The following BARD1 variants were observed in gnomAD, a reference collection of about 807,000 sequenced individuals.
BARD1 encodes BRCA1-associated RING domain protein 1.
BARD1 carries 73 observed loss-of-function variants against 77.0 expected under a neutral mutation model. The observed-to-expected ratio is 0.95, with a 90% CI of 0.79 to 1.15. The LOEUF (loss-of-function observed/expected upper bound fraction) is 1.15, where lower values mean the gene tolerates loss of function less well. Among genes scored for constraint, BARD1 ranks in the 50% most tolerant of loss-of-function variants. The pLI is 0.00. For missense variants in BARD1, 993 were observed against 938.8 expected (o/e 1.06, Z -0.75); for synonymous variants, 384 against 338.0 (o/e 1.14, Z -1.49).
chr2:214,749,723 C>T (rs766130215), intron 7 of BARD1, among the ~76,000 whole-genome samples: 3 of 151,182 alleles, frequency 2.0e-5, no homozygotes, highest in Non-Finnish European at 2.9e-5. Context: ...AATTGAGTAC[C>T]GACCTAAGTT....
At chr2:214,756,090 T>C (rs1215239826) in intron 6 of BARD1, among the ~76,000 whole-genome samples, 1 of 152,134 alleles carries the variant, frequency 6.6e-6, no homozygotes. Context: ...TCTATTTGTG[T>C]CCCCGCCCAA....
intron 9 of BARD1, among the ~76,000 whole-genome samples, chr2:214,738,923 C>A (rs191542106): frequency 3.1e-4 from 47 of 152,050 alleles, no homozygotes; most frequent in African/African-American, 1.1e-3. Context: ...AGCAGGAAGA[C>A]CGCTTGAAAC....
intron 1 of BARD1, among the ~76,000 whole-genome samples, chr2:214,807,600 GT>G (rs2106165842): frequency 6.6e-6 from 1 of 152,136 alleles, no homozygotes; most frequent in Admixed American, 6.5e-5. Context: ...GGAATTTATT[GT>G]CTGCTTTGTT....
In BARD1 at chr2:214,727,359, T is replaced by TTTG. The variant is rs1692125655; in HGVS notation, c.*1316_*1317insCAA. 4.3e-6 allele frequency: 1 copy of TTTG among 232,056 alleles called. No homozygotes were observed. Among genetic ancestry groups the TTTG allele is most frequent in the East Asian group, 6.1e-5 (1 of 16,366 alleles). The allele number at this position is 232,056 out of a possible 1,614,324, so 14.4% of individuals were successfully genotyped here. ...ACTAGGGATATTCTATTCTGGTAGT[T>TTTG]ATCAAACTGTCCTCTTTTGTTCATG... is the stretch of plus-strand genomic sequence containing the variant. On this transcript the variant is annotated 3_prime_UTR_variant, in exon 11 of 11. Transcript: ENST00000260947.
chr2:214,748,400 T>C (rs1298202395), intron 7 of BARD1, among the ~76,000 whole-genome samples: 1 of 152,048 alleles, frequency 6.6e-6, no homozygotes, highest in African/African-American at 2.4e-5. Context: ...ATACCCTGAT[T>C]TTATAGAGAT....
rs150984046 is a variant in BARD1 at position 214,800,251 on chromosome 2, G to A, written c.159-3134C>T. On this transcript the variant is annotated intron_variant, in intron 1 of 10. Transcript: ENST00000260947. ...TCAGTTGTACTAATTATTCTAATTA[G>A]TGAGTTAGAATATATATTTGTGTTG... Among the ~76,000 whole-genome samples the A allele has an allele frequency of 6.5e-3, 990 of 152,316 alleles. 12 individuals are homozygous for A. Among genetic ancestry groups the A allele is most frequent in the African/African-American group, 0.023 (949 of 41,564 alleles).
chr2:214,795,451 A>G (rs1695716959), intron 2 of BARD1, among the ~76,000 whole-genome samples: 1 of 152,104 alleles, frequency 6.6e-6, no homozygotes, highest in Non-Finnish European at 1.5e-5. Context: ...CTTGGATTTT[A>G]TTTTAACTGC....
chr2:214,785,200 T>C (rs114421787), intron 3 of BARD1, among the ~76,000 whole-genome samples: 8,052 of 152,112 alleles, frequency 0.053, 261 homozygotes, highest in Admixed American at 0.083. Flanking sequence ...TCTTGCTAAT[T>C]GTTTTACAGT....
intron 6 of BARD1, among the ~76,000 whole-genome samples, chr2:214,758,735 G>T (rs1693816171): frequency 1.3e-5 from 2 of 152,160 alleles, no homozygotes; most frequent in South Asian, 4.1e-4. Context: ...CAATGTTTCA[G>T]TTTTGTCCCA....
Position 214,780,738 on chromosome 2 carries a change from TTCC to T in BARD1, c.1133_1135del (p.Arg378del). 6.2e-7 allele frequency: 1 copy of T among 1,614,092 alleles called. No homozygotes were observed. The highest frequency in any genetic ancestry group is 8.5e-7 in the Non-Finnish European group (1 of 1,179,972). ...GAATTCATCGGACATGTTACTGTTT[TTCC>T]TCCCTGATGTACCACCAACTTTACG... On this transcript the variant is annotated inframe_deletion, in exon 4 of 11. Coordinates refer to ENST00000260947, the MANE Select transcript of BARD1 (RefSeq NM_000465.4).
chr2:214,754,534 A>G (rs762120041), intron 6 of BARD1, among the ~76,000 whole-genome samples: 2 of 152,144 alleles, frequency 1.3e-5, no homozygotes, highest in Non-Finnish European at 2.9e-5. Context: ...GACAACATGA[A>G]AAACTGTTCA....
intron 6 of BARD1, among the ~76,000 whole-genome samples, chr2:214,765,042 C>G (rs1367207058): frequency 1.3e-5 from 2 of 152,192 alleles, no homozygotes; most frequent in Non-Finnish European, 2.9e-5. Flanking sequence ...TATCAACCAG[C>G]TGTCCAACAC....
chr2:214,765,511 T>C (rs1478742097), intron 6 of BARD1, among the ~76,000 whole-genome samples: 1 of 152,120 alleles, frequency 6.6e-6, no homozygotes, highest in Non-Finnish European at 1.5e-5. Flanking sequence ...AGCTATACAG[T>C]CAGTAATGGA....
At chr2:214,731,124 T>A (rs1692337189) in intron 9 of BARD1, 1 of 205,732 alleles carries the variant, frequency 4.9e-6, no homozygotes, top group Admixed American at 6.0e-5. Context: ...GATGATTTGA[T>A]TGGGCTTTGC....
At chr2:214,771,110 CATT>C (rs1329931599) in intron 4 of BARD1, among the ~76,000 whole-genome samples, 3 of 152,160 alleles carry the variant, frequency 2.0e-5, no homozygotes, top group Non-Finnish European at 2.9e-5. Context: ...CTTGAAATTA[CATT>C]ATTATCACCA....
At position 214,780,708 on chromosome 2, in the gene BARD1, C is replaced by G. The variant is rs1553622212; in HGVS notation, c.1166G>C (p.Ser389Thr). The stretch of plus-strand genomic sequence containing the variant: ...AGAAGGTGGTGTACCTGGTGAAAGA[C>G]TAATGAATTCATCGGACATGTTACT... ...KNSNMSDEFI[S>T]LSPGTPPSTL... Residue 389 changes from serine (S) to threonine (T), a missense_variant, in exon 4 of 11, where the codon AGT (serine) becomes ACT (threonine). Coordinates refer to ENST00000260947, the MANE Select transcript of BARD1 (RefSeq NM_000465.4). The G allele has an allele frequency of 1.2e-6, 2 of 1,614,062 alleles. No homozygotes were observed. The highest frequency in any genetic ancestry group is 1.3e-5 in the African/African-American group (1 of 75,046).
At chr2:214,730,124 TG>T in intron 10 of BARD1, 1 of 442,496 alleles carries the variant, frequency 2.3e-6, no homozygotes. Context: ...AAGCAGCAGC[TG>T]TAAGTCTTCT....
intron 9 of BARD1, among the ~76,000 whole-genome samples, chr2:214,738,131 A>C (rs941333554): frequency 6.6e-6 from 1 of 152,130 alleles, no homozygotes; most frequent in African/African-American, 2.4e-5. Context: ...GCTTTATTTC[A>C]TCTTTGTTAC....
intron 7 of BARD1, 127 bp downstream of exon 7, chr2:214,752,320 C>T (rs1693491284): frequency 1.3e-6 from 1 of 748,398 alleles, no homozygotes; most frequent in Non-Finnish European, 2.3e-6. Flanking sequence ...AGCTAATACT[C>T]AGGAAGTGCT....
Sources: gnomAD v4.1 joint callset for allele counts (sites outside exome capture counted in the v4.1 genomes callset) on GRCh38, gnomAD v4.1.1 for gene constraint, MANE v1.5 for transcripts, NCBI Gene and HGNC (gene_info 2026-07-23, HGNC 2026-07-21) for gene names.